DLG2: variants seen among roughly 807,000 people sequenced by gnomAD.
DLG2 encodes the protein discs large MAGUK scaffold protein 2.
A neutral mutation model predicts 132.5 loss-of-function variants in DLG2; 45 were observed. That is an observed-to-expected ratio of 0.34 (90% CI 0.27 to 0.44). The LOEUF is 0.44. Ranked by LOEUF, DLG2 falls within the 20% of genes least tolerant of loss-of-function variation. The pLI is 1.00. For synonymous variants in DLG2, 424 were observed against 419.6 expected (o/e 1.01, Z -0.13); for missense variants, 1,045 against 1,196.9 (o/e 0.87, Z 1.87).
At chr11:85,405,460 G>A (rs765964260) in intron 3 of DLG2, among the ~76,000 whole-genome samples, 36 of 152,008 alleles carry the variant, frequency 2.4e-4, no homozygotes, top group South Asian at 2.1e-4. Context: ...TTTACATGGA[G>A]AATGAATGAG....
chr11:83,653,717 G>A (rs1206704379), intron 18 of DLG2, among the ~76,000 whole-genome samples: 2 of 152,134 alleles, frequency 1.3e-5, no homozygotes, highest in Non-Finnish European at 2.9e-5. Flanking sequence ...TTAAGAGGTA[G>A]AAGTTAGATT....
At chr11:83,491,915 T>A (rs1472372692) in intron 21 of DLG2, among the ~76,000 whole-genome samples, 1 of 151,458 alleles carries the variant, frequency 6.6e-6, no homozygotes, top group Non-Finnish European at 1.5e-5. Flanking sequence ...TATCGTAACA[T>A]CATCTACACC....
intron 11 of DLG2, among the ~76,000 whole-genome samples, chr11:83,997,989 G>C (rs1157781704): frequency 1.3e-5 from 2 of 151,706 alleles, no homozygotes; most frequent in Non-Finnish European, 2.9e-5. Flanking sequence ...AAAAAAATTA[G>C]CTGGGCATGG....
intron 4 of DLG2, among the ~76,000 whole-genome samples, chr11:85,214,867 G>C (rs1046901576): frequency 1.3e-5 from 2 of 152,102 alleles, no homozygotes; most frequent in Non-Finnish European, 2.9e-5. Flanking sequence ...TTATTTGCCT[G>C]GGTGCTCTGA....
intron 14 of DLG2, among the ~76,000 whole-genome samples, chr11:83,952,978 T>A (rs1345860433): frequency 6.6e-6 from 1 of 151,932 alleles, no homozygotes; most frequent in African/African-American, 2.4e-5. Flanking sequence ...CAAATGGATA[T>A]AAAGATGGAA....
intron 6 of DLG2, among the ~76,000 whole-genome samples, chr11:84,700,275 A>C (rs1260969457): frequency 6.6e-6 from 1 of 151,604 alleles, no homozygotes; most frequent in Non-Finnish European, 1.5e-5. Flanking sequence ...CACTGAAATC[A>C]AATAGGAGTG....
At chr11:84,652,155 G>C (rs192092945) in intron 6 of DLG2, among the ~76,000 whole-genome samples, 7 of 152,164 alleles carry the variant, frequency 4.6e-5, no homozygotes, top group African/African-American at 1.7e-4. Flanking sequence ...GTTCCTGGAA[G>C]AGTAAATATT....
chr11:83,488,981 A>T (rs1031777243), intron 21 of DLG2, among the ~76,000 whole-genome samples: 13 of 152,038 alleles, frequency 8.6e-5, no homozygotes, highest in Non-Finnish European at 1.6e-4. Context: ...AAATGTGTCT[A>T]TGTGAATGCA....
chr11:83,675,437 G>A (rs1214663538), intron 18 of DLG2, among the ~76,000 whole-genome samples: 3 of 152,136 alleles, frequency 2.0e-5, no homozygotes, highest in Non-Finnish European at 4.4e-5. Flanking sequence ...ATACACTTGA[G>A]TTACTGCATA....
chr11:84,986,228 A>G (rs2056475353), intron 6 of DLG2, among the ~76,000 whole-genome samples: 1 of 152,108 alleles, frequency 6.6e-6, no homozygotes, highest in Non-Finnish European at 1.5e-5. Flanking sequence ...CTGGAAACAT[A>G]CAACCTTCCT....
At chr11:84,948,462 T>C (rs994674655) in intron 6 of DLG2, among the ~76,000 whole-genome samples, 1 of 152,242 alleles carries the variant, frequency 6.6e-6, no homozygotes, top group Non-Finnish European at 1.5e-5. Context: ...AGGACTGGAA[T>C]GAGTCAACTG....
intron 3 of DLG2, among the ~76,000 whole-genome samples, chr11:85,499,110 G>A (rs1175813820): frequency 6.6e-6 from 1 of 152,152 alleles, no homozygotes; most frequent in Non-Finnish European, 1.5e-5. Flanking sequence ...GAGCAGAACT[G>A]TAGGAAGTAG....
chr11:84,393,682 T>G (rs1277274158), intron 7 of DLG2, among the ~76,000 whole-genome samples: 1 of 150,434 alleles, frequency 6.6e-6, no homozygotes, highest in East Asian at 1.9e-4. Context: ...GCCCAAACTG[T>G]TTTGTGTTTA....
At chr11:84,310,133 A>T (rs1368373302) in intron 7 of DLG2, among the ~76,000 whole-genome samples, 1 of 152,216 alleles carries the variant, frequency 6.6e-6, no homozygotes, top group Admixed American at 6.5e-5. Context: ...CATGTAGAAC[A>T]TCCCAATGCA....
intron 18 of DLG2, among the ~76,000 whole-genome samples, chr11:83,683,449 G>A (rs778670469): frequency 4.9e-4 from 74 of 152,264 alleles, no homozygotes; most frequent in Non-Finnish European, 9.9e-4. Flanking sequence ...GCCCCAAGTA[G>A]TGTTTTACAC....
chr11:84,359,031 T>C (rs746963283), intron 7 of DLG2, among the ~76,000 whole-genome samples: 27 of 151,886 alleles, frequency 1.8e-4, no homozygotes, highest in Non-Finnish European at 4.0e-4. Flanking sequence ...CATATGAGTA[T>C]ATATAACAAC....
At chr11:85,055,542 T>A (rs1436015689) in intron 6 of DLG2, among the ~76,000 whole-genome samples, 1 of 152,126 alleles carries the variant, frequency 6.6e-6, no homozygotes, top group African/African-American at 2.4e-5. Flanking sequence ...TTTGGCAGTC[T>A]CAATGGACTG....
At chr11:84,000,531 C>T (rs2154042105) in intron 11 of DLG2, among the ~76,000 whole-genome samples, 1 of 152,142 alleles carries the variant, frequency 6.6e-6, no homozygotes, top group East Asian at 1.9e-4. Flanking sequence ...GATATCCTTA[C>T]AGATACAATC....
At chr11:84,931,632 T>C (rs1375176413) in intron 6 of DLG2, among the ~76,000 whole-genome samples, 1 of 152,206 alleles carries the variant, frequency 6.6e-6, no homozygotes, top group South Asian at 2.1e-4. Context: ...TAGCCAGTAA[T>C]GGGATTGCTG....
Sources: gnomAD v4.1 joint callset for allele counts (sites outside exome capture counted in the v4.1 genomes callset) on GRCh38, gnomAD v4.1.1 for gene constraint, MANE v1.5 for transcripts, NCBI Gene and HGNC (gene_info 2026-07-23, HGNC 2026-07-21) for gene names.